Variants in DENND4C observed in about 807,000 individuals in gnomAD.
DENND4C encodes the protein DENN domain containing 4C.
Under a neutral mutation model 203.0 loss-of-function variants are expected in DENND4C, and 108 were observed. The ratio of observed to expected loss-of-function variants is 0.53; its 90% confidence interval spans 0.46 to 0.62. DENND4C has a LOEUF of 0.62. DENND4C is among the 20% of genes least tolerant of loss of function. DENND4C has a pLI of 0.00. For synonymous variants in DENND4C, 871 were observed against 792.4 expected (o/e 1.10, Z -1.67); for missense variants, 2,481 against 2,301.2 (o/e 1.08, Z -1.60).
rs1190297905 is a variant in DENND4C at position 19,352,416 on chromosome 9, A to AT, written c.4606-72dup. On this transcript the variant is annotated intron_variant, in intron 25 of 32. Coordinates refer to ENST00000434457, the MANE Select transcript of DENND4C (RefSeq NM_001330640.2). ...TGATCAGTAGAATAAAAAAAATCCC[A>AT]TTATCTCAAGAGAATTCCTGTTAAG... The AT allele has an allele frequency of 4.8e-5, 67 of 1,410,450 alleles. 1 individual carries two copies. The highest frequency in any genetic ancestry group is 7.1e-5 in the Admixed American group (3 of 41,996). 87.4% of individuals were successfully genotyped at this position (1,410,450 alleles called of 1,614,324 possible). A position where few individuals can be genotyped will look rare whatever the true frequency, so the allele number is the denominator to read the frequency against.
At chr9:19,280,140 G>GCTTCCTC (rs1554717094) in intron 2 of DENND4C, among the ~76,000 whole-genome samples, 2 of 149,222 alleles carry the variant, frequency 1.3e-5, no homozygotes, top group Non-Finnish European at 3.0e-5. Context: ...CTACCTGCCT[G>GCTTCCTC]CCTTCCTCCC....
chr9:19,359,929 T>G (rs1368482141), intron 28 of DENND4C, among the ~76,000 whole-genome samples: 1 of 152,160 alleles, frequency 6.6e-6, no homozygotes, highest in African/African-American at 2.4e-5. Flanking sequence ...TACATTACTA[T>G]AAAGCATCTG....
intron 30 of DENND4C, among the ~76,000 whole-genome samples, chr9:19,369,233 C>G (rs1166842355): frequency 6.6e-6 from 1 of 152,148 alleles, no homozygotes; most frequent in South Asian, 2.1e-4. Context: ...CATCAGGGAT[C>G]CAGGTTCCTT....
chr9:19,305,512 C>T lies in DENND4C; in HGVS notation c.1472C>T (p.Thr491Met), dbSNP rs1378366834. The change falls in exon 10 of 33, where the codon ACG becomes ATG. Residue 491 changes from threonine (T) to methionine (M), a missense_variant. By Grantham distance (81) the Thr-to-Met change is moderately conservative (BLOSUM62 -1). Transcript: ENST00000434457. ...GATGTTGTTTGCATTGACTTGGATA[C>T]GAACATGTTATATGTGTAAGTTGAT... ...PQDVVCIDLD[T>M]NMLYVSDEKK... 6.2e-7 allele frequency: 1 copy of T among 1,612,306 alleles called. No individual in the cohort carries two copies. The highest frequency in any genetic ancestry group is 1.3e-5 in the African/African-American group (1 of 74,996).
At position 19,332,145 on chromosome 9, in the gene DENND4C, T is replaced by C; in HGVS notation, c.2421T>C (p.Leu807=). Residue 807 remains leucine, a synonymous_variant, in exon 17 of 33, where the codon CTT becomes CTC. Transcript: ENST00000434457. ...CACTTCAGCAGGCATATGATGTACT[T>C]ATTAAGATGAGGAAAACAGATGTGG... is the stretch of plus-strand genomic sequence containing the variant. The part of the protein sequence containing the change: ...VRALQQAYDV[L]IKMRKTDVDP... The C allele has an allele frequency of 1.2e-6, 2 of 1,614,016 alleles. No individual in the cohort carries two copies. Among genetic ancestry groups the C allele is most frequent in the Non-Finnish European group, 1.7e-6 (2 of 1,179,954 alleles).
intron 1 of DENND4C, among the ~76,000 whole-genome samples, chr9:19,245,078 A>G (rs1213417939): frequency 6.6e-6 from 1 of 152,184 alleles, no homozygotes; most frequent in Non-Finnish European, 1.5e-5. Flanking sequence ...AGTAGTTCTC[A>G]ATTCTGGCTG....
chr9:19,342,054 G>T (rs1425449637), intron 21 of DENND4C, among the ~76,000 whole-genome samples: 1 of 148,112 alleles, frequency 6.8e-6, no homozygotes, highest in African/African-American at 2.5e-5. Context: ...AACCTGGGAA[G>T]CGAAAGTTGC....
intron 5 of DENND4C, among the ~76,000 whole-genome samples, chr9:19,295,147 G>A (rs1425363475): frequency 6.6e-6 from 1 of 152,118 alleles, no homozygotes; most frequent in Non-Finnish European, 1.5e-5. Context: ...TGAGGCTGGT[G>A]GATCACCAGG....
intron 10 of DENND4C, among the ~76,000 whole-genome samples, chr9:19,307,695 A>G (rs1839964651): frequency 6.8e-6 from 1 of 147,684 alleles, no homozygotes; most frequent in Non-Finnish European, 1.5e-5. Flanking sequence ...GCTTGAACTG[A>G]GGAGGTGGAG....
At chr9:19,360,537 C>T in intron 29 of DENND4C, 48 bp downstream of exon 29, 14 of 1,608,522 alleles carry the variant, frequency 8.7e-6, no homozygotes, top group Non-Finnish European at 1.2e-5. Context: ...TAGGATGAGG[C>T]TTAACTTCAA....
intron 2 of DENND4C, among the ~76,000 whole-genome samples, chr9:19,285,935 A>G (rs775057228): frequency 3.3e-5 from 5 of 152,270 alleles, no homozygotes; most frequent in African/African-American, 7.2e-5. Context: ...TCTTATGCCA[A>G]TACATTGCAC....
At position 19,352,660 on chromosome 9, in the gene DENND4C, T is replaced by C. The variant is rs1824419006; in HGVS notation, c.4776T>C (p.Ser1592=). 6.3e-7 allele frequency: 1 copy of C among 1,596,238 alleles called. No homozygotes were observed. The highest frequency in any genetic ancestry group is 1.3e-5 in the African/African-American group (1 of 74,414). ...LNIEFKDLRG[S]ASFFLKPSTS... ...TAGAATTCAAAGATTTGAGAGGTTC[T>C]GCAAGGTTAGTCTTATAAAAGCTCT... is the stretch of plus-strand genomic sequence containing the variant. The change falls in exon 26 of 33, where the codon TCT becomes TCC. Residue 1592 remains serine, a synonymous_variant. Coordinates refer to ENST00000434457, the MANE Select transcript of DENND4C (RefSeq NM_001330640.2).
At chr9:19,291,958 A>G (rs529715470) in intron 5 of DENND4C, among the ~76,000 whole-genome samples, 1 of 152,294 alleles carries the variant, frequency 6.6e-6, no homozygotes, top group Admixed American at 6.5e-5. Context: ...TTGAGTCTTC[A>G]GGTTAAAGAT....
intron 26 of DENND4C, among the ~76,000 whole-genome samples, chr9:19,355,872 A>AT (rs1225231643): frequency 2.6e-5 from 4 of 152,128 alleles, no homozygotes; most frequent in African/African-American, 9.7e-5. Flanking sequence ...AGCCTGGTAT[A>AT]TCTCTGTATT....
intron 1 of DENND4C, among the ~76,000 whole-genome samples, chr9:19,256,364 C>T (rs72698383): frequency 0.084 from 10,795 of 128,688 alleles, 462 homozygotes; most frequent in Middle Eastern, 0.23. Context: ...GGCTGGAGTG[C>T]AAGGGCGCAA....
At chr9:19,354,004 C>G (rs1824780820) in intron 26 of DENND4C, among the ~76,000 whole-genome samples, 1 of 152,276 alleles carries the variant, frequency 6.6e-6, no homozygotes, top group East Asian at 1.9e-4. Flanking sequence ...TTGGACTGTG[C>G]AAGGGCCCTC....
intron 1 of DENND4C, among the ~76,000 whole-genome samples, chr9:19,248,942 C>G (rs900973706): frequency 6.6e-6 from 1 of 151,940 alleles, no homozygotes. Flanking sequence ...AGGCGTGAGC[C>G]ACTACGGCCA....
chr9:19,334,984 A>G lies in DENND4C; in HGVS notation c.2468A>G (p.Tyr823Cys). The change falls in exon 18 of 33, where the codon TAT (tyrosine) becomes TGT (cysteine). Residue 823 changes from tyrosine (Y) to cysteine (C), a missense_variant. Tyr to Cys is a radical substitution (Grantham distance 194). Around this residue, in one of 3 missense-constraint regions of DENND4C, gnomAD observed 2,289 missense variants for 2,113.3 expected, o/e 1.08. Transcript: ENST00000434457. ...ATTTTTTTTTTTTGTTAGGTGTGCT[A>G]TCGAGTAGTGATGCAGCTTTGTGGA... Reference protein sequence around the residue: ...TDVDPLDEVCYRVVMQLCGLW... With the variant: ...TDVDPLDEVCCRVVMQLCGLW... 6.3e-7 allele frequency: 1 copy of G among 1,596,832 alleles called. No homozygotes were observed. The highest frequency in any genetic ancestry group is 8.5e-7 in the Non-Finnish European group (1 of 1,174,630).
chr9:19,307,769 C>CAA lies in DENND4C; in HGVS notation c.1487+2258_1487+2259dup, dbSNP rs398046460. On this transcript the variant is annotated intron_variant, in intron 10 of 32. Coordinates refer to ENST00000434457, the MANE Select transcript of DENND4C (RefSeq NM_001330640.2). Reference sequence around the variant, plus strand: ...TGGGCGACAGAGCGAGACTCTGTCTCAAAAAAAAAAAAAAAAAGAAAATAT... The same window carrying CAA: ...TGGGCGACAGAGCGAGACTCTGTCTCAAAAAAAAAAAAAAAAAAAGAAAATAT... Among the ~76,000 whole-genome samples, 744 of 89,116 alleles carry CAA rather than the reference C, an allele frequency of 8.3e-3. 10 individuals are homozygous for CAA. Among genetic ancestry groups the CAA allele is most frequent in the Middle Eastern group, 0.038 (5 of 132 alleles). The allele number at this position is 89,116 out of a possible 152,430, so 58.5% of individuals were successfully genotyped here.
Sources: allele counts gnomAD v4.1 joint callset (sites outside exome capture counted in the v4.1 genomes callset), GRCh38; gene constraint gnomAD v4.1.1; regional missense constraint gnomAD v4.1.1; transcripts MANE v1.5; gene names NCBI Gene and HGNC (gene_info 2026-07-23, HGNC 2026-07-21).